Variants in MAP4K3 observed in about 807,000 individuals in gnomAD.
The protein encoded by MAP4K3 is mitogen-activated protein kinase kinase kinase kinase 3.
Under a neutral mutation model 143.5 loss-of-function variants are expected in MAP4K3, and 94 were observed. The ratio of observed to expected loss-of-function variants is 0.65; its 90% CI spans 0.55 to 0.78. MAP4K3 has a LOEUF of 0.78. Ranked by LOEUF, MAP4K3 falls within the 30% of genes least tolerant of loss-of-function variation. The probability of loss-of-function intolerance (pLI) is 0.00; values close to 1 mark genes in which losing one functional copy is unlikely to be tolerated. For synonymous variants in MAP4K3, 416 were observed against 347.2 expected (o/e 1.20, Z -2.20); for missense variants, 1,077 against 1,068.1 (o/e 1.01, Z -0.12).
intron 15 of MAP4K3, 37 bp from the exon 16 acceptor site, chr2:39,299,838 G>A (rs770816659): frequency 9.5e-7 from 1 of 1,054,634 alleles, no homozygotes; most frequent in East Asian, 2.5e-5. Flanking sequence ...CACAATAGTA[G>A]TATATGACAC....
intron 13 of MAP4K3, 123 bp from the exon 14 acceptor site, chr2:39,309,642 C>G (rs1169923952): frequency 1.8e-6 from 1 of 561,132 alleles, no homozygotes; most frequent in Admixed American, 3.6e-5. Flanking sequence ...ACTGCAATCT[C>G]CACCCCCTGG....
In MAP4K3 at chr2:39,350,706, G is replaced by A. The variant is rs543594263; in HGVS notation, c.245+5543C>T. On this transcript the variant is annotated intron_variant, in intron 3 of 33. Transcript: ENST00000263881. ...ACACCATAATTAGTTTAACTAAATT[G>A]CCTCTTTTAATCCCCTCCACCCTAG... Among the ~76,000 whole-genome samples, 12 of 152,136 alleles carry A rather than the reference G, an allele frequency of 7.9e-5. No homozygotes were observed. In the South Asian group the frequency reaches 2.5e-3, roughly 32 times the overall value.
intron 1 of MAP4K3, among the ~76,000 whole-genome samples, chr2:39,404,760 T>C (rs1572494728): frequency 6.6e-6 from 1 of 152,092 alleles, no homozygotes; most frequent in East Asian, 1.9e-4. Flanking sequence ...TAGCTGGGAT[T>C]ATAGGCTTGC....
In MAP4K3 at chr2:39,325,742, T is replaced by C; in HGVS notation, c.795A>G (p.Glu265=). ...GCAAAAATAATACCTGTAATAATTT[T>C]TCAGCAGTAGGTCTTTTTTTCGGAT... ...TKNPKKRPTA[E]KLLQHPFVTQ... is the part of the protein sequence containing the mutation. Residue 265 remains glutamate, a synonymous_variant, in exon 11 of 34, where the codon GAA becomes GAG. Coordinates refer to ENST00000263881, the MANE Select transcript of MAP4K3 (RefSeq NM_003618.4). The C allele has an allele frequency of 6.2e-7, 1 of 1,608,318 alleles. No individual in the cohort carries two copies. The highest frequency in any genetic ancestry group is 2.2e-5 in the East Asian group (1 of 44,716).
intron 2 of MAP4K3, among the ~76,000 whole-genome samples, chr2:39,364,865 C>A (rs867867159): frequency 7.0e-3 from 803 of 114,476 alleles, no homozygotes; most frequent in Middle Eastern, 0.018. Flanking sequence ...AACTCTGTCT[C>A]AAAAAAAAAA....
chr2:39,286,203 G>A (rs944563198), intron 21 of MAP4K3, among the ~76,000 whole-genome samples: 3 of 152,204 alleles, frequency 2.0e-5, no homozygotes, highest in Admixed American at 6.5e-5. Flanking sequence ...AGTTACATTC[G>A]TGTAAGCAGC....
intron 26 of MAP4K3, among the ~76,000 whole-genome samples, chr2:39,268,829 G>A (rs1680891267): frequency 6.6e-6 from 1 of 151,756 alleles, no homozygotes; most frequent in South Asian, 2.1e-4. Context: ...TAGTAGAGAC[G>A]GGGTTTCGAC....
intron 2 of MAP4K3, among the ~76,000 whole-genome samples, chr2:39,375,864 T>C (rs191749866): frequency 0.013 from 1,927 of 152,330 alleles, 30 homozygotes; most frequent in Admixed American, 0.041. Flanking sequence ...GTCTAGCTCC[T>C]TTCACTTAGC....
intron 2 of MAP4K3, among the ~76,000 whole-genome samples, chr2:39,377,273 GGA>G (rs1358525512): frequency 7.4e-6 from 1 of 134,236 alleles, no homozygotes; most frequent in Non-Finnish European, 1.6e-5. Flanking sequence ...TGTTCATACT[GGA>G]GCTAAAACTT....
intron 3 of MAP4K3, among the ~76,000 whole-genome samples, chr2:39,354,175 G>C (rs1411904220): frequency 6.6e-6 from 1 of 152,118 alleles, no homozygotes; most frequent in Non-Finnish European, 1.5e-5. Flanking sequence ...CAGGCACAGT[G>C]GCTCACGCGT....
chr2:39,328,888 G>A (rs1416877337), intron 8 of MAP4K3, among the ~76,000 whole-genome samples: 3 of 152,262 alleles, frequency 2.0e-5, no homozygotes, highest in African/African-American at 4.8e-5. Flanking sequence ...GAAATAAAAT[G>A]TTTAAGGTAC....
At chr2:39,323,892 T>C (rs781160412) in intron 12 of MAP4K3, 2 of 152,178 alleles carry the variant, frequency 1.3e-5, no homozygotes, top group Non-Finnish European at 2.9e-5. Context: ...CAATTACAAC[T>C]GACAGTAACA....
At chr2:39,434,070 T>C (rs1001285674) in intron 1 of MAP4K3, among the ~76,000 whole-genome samples, 4 of 152,204 alleles carry the variant, frequency 2.6e-5, no homozygotes, top group African/African-American at 9.7e-5. Flanking sequence ...TGTTATTACA[T>C]TGAGTAGGAA....
intron 7 of MAP4K3, 85 bp from the exon 8 acceptor site, chr2:39,332,074 A>T: frequency 5.9e-6 from 4 of 678,544 alleles, no homozygotes; most frequent in Non-Finnish European, 7.3e-6. Flanking sequence ...TTTAAAAGTT[A>T]TTTTTATTAA....
intron 1 of MAP4K3, among the ~76,000 whole-genome samples, chr2:39,401,118 C>A (rs956371505): frequency 1.3e-5 from 2 of 152,016 alleles, no homozygotes; most frequent in African/African-American, 4.8e-5. Flanking sequence ...GATGGTCACC[C>A]TAAGTTGAGA....
At chr2:39,425,946 C>G (rs1665057533) in intron 1 of MAP4K3, among the ~76,000 whole-genome samples, 1 of 152,056 alleles carries the variant, frequency 6.6e-6, no homozygotes, top group Non-Finnish European at 1.5e-5. Flanking sequence ...TAGAAATCAA[C>G]TTGGATATTA....
chr2:39,300,280 T>C (rs1036456685), intron 15 of MAP4K3, among the ~76,000 whole-genome samples: 7 of 152,228 alleles, frequency 4.6e-5, no homozygotes, highest in Admixed American at 2.0e-4. Context: ...AATTGGGTGC[T>C]ATTTTAAAAG....
At chr2:39,299,720 A>G in intron 16 of MAP4K3, 23 bp downstream of exon 16, 1 of 1,414,582 alleles carries the variant, frequency 7.1e-7, no homozygotes. Context: ...ATTTAAATTA[A>G]GTTTTAAAAG....
At chr2:39,355,266 C>A (rs185871964) in intron 3 of MAP4K3, among the ~76,000 whole-genome samples, 3 of 145,760 alleles carry the variant, frequency 2.1e-5, no homozygotes, top group Non-Finnish European at 4.4e-5. Context: ...GAGGCTGAGG[C>A]AGGGGAATCA....
Sources: gnomAD v4.1 joint callset for allele counts (sites outside exome capture counted in the v4.1 genomes callset) on GRCh38, gnomAD v4.1.1 for gene constraint, MANE v1.5 for transcripts, NCBI Gene and HGNC (gene_info 2026-07-23, HGNC 2026-07-21) for gene names.